Variants in DENND1A observed in about 807,000 individuals in gnomAD.
The protein encoded by DENND1A is DENN domain-containing protein 1A.
Under a neutral mutation model 113.7 loss-of-function variants are expected in DENND1A, and 51 were observed. The ratio of observed to expected loss-of-function variants is 0.45; its 90% CI spans 0.36 to 0.57. The LOEUF (loss-of-function observed/expected upper bound fraction) is 0.57. Ranked by LOEUF, DENND1A falls within the 20% of genes least tolerant of loss-of-function variation. The probability of loss-of-function intolerance (pLI) is 0.00; values close to 1 mark genes in which losing one functional copy is unlikely to be tolerated. For synonymous variants in DENND1A, 565 were observed against 570.8 expected, an observed-to-expected ratio of 0.99 and a Z score of 0.14; for missense variants, 1,258 against 1,395.9, an observed-to-expected ratio of 0.90 and a Z score of 1.57.
chr9:123,877,044 A>G (rs1847580476), intron 2 of DENND1A, among the ~76,000 whole-genome samples: 1 of 152,184 alleles, frequency 6.6e-6, no homozygotes, highest in South Asian at 2.1e-4. Context: ...GGAGACTCAG[A>G]AGGGTGGGAG....
chr9:123,676,670 A>G lies in DENND1A; in HGVS notation c.372+50T>C, dbSNP rs542650110. The G allele has an allele frequency of 3.9e-6, 6 of 1,555,296 alleles. No homozygotes were observed. In the East Asian group the frequency reaches 1.4e-4, roughly 37 times the overall value. On this transcript the variant is annotated intron_variant, in intron 6 of 23. Coordinates refer to ENST00000394215, the MANE Select transcript of DENND1A (RefSeq NM_001352964.2). ...AAGGCATGTTTTACTTTTTCATCATAAAAATTAAAGCTTATTTGTTTAAAA... is the reference window on the plus strand; with the variant it reads ...AAGGCATGTTTTACTTTTTCATCATGAAAATTAAAGCTTATTTGTTTAAAA...
chr9:123,724,651 C>G (rs1325669482), intron 5 of DENND1A, among the ~76,000 whole-genome samples: 1 of 152,162 alleles, frequency 6.6e-6, no homozygotes, highest in East Asian at 1.9e-4. Flanking sequence ...GCCAGGCCTC[C>G]CCAGCTTTCT....
intron 11 of DENND1A, among the ~76,000 whole-genome samples, chr9:123,604,063 A>G (rs540068940): frequency 1.3e-3 from 191 of 152,288 alleles, no homozygotes; most frequent in Non-Finnish European, 2.1e-3. Flanking sequence ...ACACCCTTCA[A>G]TGGCTCTCCA....
chr9:123,437,491 A>C (rs1342343014), intron 19 of DENND1A, among the ~76,000 whole-genome samples: 2 of 152,236 alleles, frequency 1.3e-5, no homozygotes. Context: ...CCCCACTGGC[A>C]AGCTAAATCT....
chr9:123,802,851 C>CA (rs1184976708), intron 2 of DENND1A, among the ~76,000 whole-genome samples: 1 of 152,090 alleles, frequency 6.6e-6, no homozygotes, highest in Non-Finnish European at 1.5e-5. Flanking sequence ...TACAGGCAGG[C>CA]ACCACCACAC....
intron 5 of DENND1A, among the ~76,000 whole-genome samples, chr9:123,713,957 C>T (rs1485108278): frequency 6.6e-6 from 1 of 152,048 alleles, no homozygotes; most frequent in African/African-American, 2.4e-5. Flanking sequence ...AAAAAAAAAT[C>T]ACAAATTATG....
chr9:123,455,912 C>T (rs1276634677), intron 15 of DENND1A, among the ~76,000 whole-genome samples: 6 of 152,166 alleles, frequency 3.9e-5, no homozygotes, highest in African/African-American at 1.4e-4. Flanking sequence ...CTAACCGCAG[C>T]GAAATGCGTT....
At chr9:123,708,016 AC>A (rs1435436235) in intron 5 of DENND1A, among the ~76,000 whole-genome samples, 3 of 152,244 alleles carry the variant, frequency 2.0e-5, no homozygotes, top group Middle Eastern at 3.4e-3. Context: ...TGGAAAATGC[AC>A]CCATGATAAC....
At chr9:123,511,191 C>T (rs1281940442) in intron 13 of DENND1A, among the ~76,000 whole-genome samples, 2 of 152,196 alleles carry the variant, frequency 1.3e-5, no homozygotes, top group South Asian at 2.1e-4. Flanking sequence ...TTCCACAGTC[C>T]TATGCAGGTA....
intron 19 of DENND1A, among the ~76,000 whole-genome samples, chr9:123,425,520 C>T (rs1444525980): frequency 1.3e-5 from 2 of 152,260 alleles, no homozygotes; most frequent in South Asian, 2.1e-4. Context: ...GCTGAACCGA[C>T]TGACTACTCA....
At chr9:123,466,991 C>T (rs1281780264) in intron 13 of DENND1A, among the ~76,000 whole-genome samples, 1 of 151,964 alleles carries the variant, frequency 6.6e-6, no homozygotes, top group African/African-American at 2.4e-5. Flanking sequence ...GTCAAGCCTG[C>T]AGTGAGCCGT....
At position 123,767,896 on chromosome 9, in the gene DENND1A, C is replaced by A. The variant is rs555756659; in HGVS notation, c.182+1618G>T. On this transcript the variant is annotated intron_variant, in intron 4 of 23. Transcript: ENST00000394215. The stretch of plus-strand genomic sequence containing the variant: ...TTATTTTTCTTTATTAAACACCTAA[C>A]TGCATTTATAAAACATTTCAGTTTT... 1.0e-3 allele frequency among the ~76,000 whole-genome samples: 156 copies of A among 152,296 alleles called. 1 individual carries two copies. Among genetic ancestry groups the A allele is most frequent in the African/African-American group, 3.7e-3 (155 of 41,570 alleles).
chr9:123,809,603 C>T, intron 2 of DENND1A, among the ~76,000 whole-genome samples: 1 of 152,154 alleles, frequency 6.6e-6, no homozygotes, highest in South Asian at 2.1e-4. Context: ...AAGCCTCTCA[C>T]AAAAGAAAGA....
chr9:123,852,967 A>G (rs1038133973), intron 2 of DENND1A, among the ~76,000 whole-genome samples: 1 of 151,648 alleles, frequency 6.6e-6, no homozygotes, highest in African/African-American at 2.4e-5. Context: ...CACCCAGGCT[A>G]GAATGCAGTG....
intron 12 of DENND1A, among the ~76,000 whole-genome samples, chr9:123,566,350 G>A (rs1277098146): frequency 6.6e-6 from 1 of 152,040 alleles, no homozygotes; most frequent in African/African-American, 2.4e-5. Flanking sequence ...AAAGATCCTG[G>A]TTCTCCATGG....
intron 5 of DENND1A, among the ~76,000 whole-genome samples, chr9:123,735,872 A>C (rs1169474644): frequency 6.6e-6 from 1 of 151,972 alleles, no homozygotes; most frequent in Non-Finnish European, 1.5e-5. Flanking sequence ...GATGGTGTAC[A>C]CCTGTAGTCC....
chr9:123,756,032 TC>T (rs2070511534), intron 5 of DENND1A, among the ~76,000 whole-genome samples: 1 of 152,200 alleles, frequency 6.6e-6, no homozygotes, highest in Admixed American at 6.5e-5. Context: ...TGCCTCAGCC[TC>T]CCAAGTAGCT....
intron 13 of DENND1A, among the ~76,000 whole-genome samples, chr9:123,528,493 C>G (rs895889635): frequency 1.3e-5 from 2 of 152,122 alleles, no homozygotes; most frequent in Non-Finnish European, 2.9e-5. Flanking sequence ...TATCCTAGAC[C>G]ATTCCCTTTC....
At chr9:123,412,600 G>T (rs1325786790) in intron 19 of DENND1A, among the ~76,000 whole-genome samples, 1 of 152,200 alleles carries the variant, frequency 6.6e-6, no homozygotes, top group Non-Finnish European at 1.5e-5. Flanking sequence ...TTGAAATCAG[G>T]ATTTGAATCA....
Sources: gnomAD v4.1 joint callset for allele counts (sites outside exome capture counted in the v4.1 genomes callset) on GRCh38, gnomAD v4.1.1 for gene constraint, MANE v1.5 for transcripts, NCBI Gene and HGNC (gene_info 2026-07-23, HGNC 2026-07-21) for gene names.